The following DLGAP1 variants were observed in gnomAD, a reference collection of about 807,000 sequenced individuals.
DLGAP1 encodes DLG associated protein 1.
In DLGAP1, 11 loss-of-function variants were observed where a neutral mutation model predicts 90.8. The ratio of observed to expected loss-of-function variants is 0.12; its 90% CI spans 0.08 to 0.20. The LOEUF (loss-of-function observed/expected upper bound fraction) is 0.20, where lower values mean the gene tolerates loss of function less well. DLGAP1 is among the 10% of genes least tolerant of loss of function. The pLI is 1.00. For synonymous variants in DLGAP1, 558 were observed against 540.7 expected (o/e 1.03, Z -0.44); for missense variants, 1,050 against 1,333.8 (o/e 0.79, Z 3.31).
At chr18:4,025,618 A>T (rs2074686967) in intron 2 of DLGAP1, among the ~76,000 whole-genome samples, 1 of 152,130 alleles carries the variant, frequency 6.6e-6, no homozygotes, top group Non-Finnish European at 1.5e-5. Flanking sequence ...TTTGGACAAT[A>T]ACATTGTCAT....
intron 1 of DLGAP1, among the ~76,000 whole-genome samples, chr18:4,370,767 GT>G (rs33946209): frequency 0.86 from 129,475 of 150,838 alleles, 55,789 homozygotes; most frequent in East Asian, 0.94. Flanking sequence ...ATATGTGTGG[GT>G]TTTTTTTTTC....
Position 3,814,190 on chromosome 18 carries a change from A to G in DLGAP1, c.1041T>C (p.Tyr347=), listed in dbSNP as rs1290650754. 1 of 1,614,102 alleles carries G rather than the reference A, an allele frequency of 6.2e-7. No individual in the cohort carries two copies. Among genetic ancestry groups the G allele is most frequent in the African/African-American group, 1.3e-5 (1 of 75,016 alleles). ...TGTCTTCATCCCCCATGGCCTTGAT[A>G]TAACTGCCACTCCGCATTCTTCGGC... ...IPCRRMRSGS[Y]IKAMGDEDSG... The change falls in exon 5 of 13, where the codon TAT becomes TAC. Residue 347 remains tyrosine (Y), a synonymous_variant. Coordinates refer to ENST00000315677, the MANE Select transcript of DLGAP1 (RefSeq NM_004746.4).
intron 1 of DLGAP1, among the ~76,000 whole-genome samples, chr18:4,336,144 C>T (rs895942434): frequency 6.6e-6 from 1 of 152,242 alleles, no homozygotes; most frequent in African/African-American, 2.4e-5. Context: ...CTGACCCACA[C>T]ACCATTCATA....
intron 5 of DLGAP1, among the ~76,000 whole-genome samples, chr18:3,803,992 AT>A: frequency 3.0e-5 from 3 of 99,594 alleles, no homozygotes; most frequent in African/African-American, 1.1e-4. Flanking sequence ...ATATATATAT[AT>A]ATATATATAT....
At chr18:4,215,033 A>G (rs1031261033) in intron 1 of DLGAP1, among the ~76,000 whole-genome samples, 5 of 152,176 alleles carry the variant, frequency 3.3e-5, no homozygotes, top group Admixed American at 3.3e-4. Context: ...GAAAGCTGAG[A>G]TTTATTTTAC....
intron 1 of DLGAP1, among the ~76,000 whole-genome samples, chr18:4,251,291 A>G (rs956249360): frequency 2.0e-5 from 3 of 152,226 alleles, no homozygotes; most frequent in Non-Finnish European, 4.4e-5. Flanking sequence ...GAGATTATAT[A>G]ACTTTTAAAG....
chr18:3,550,698 A>G (rs1369060140), intron 9 of DLGAP1, among the ~76,000 whole-genome samples: 2 of 151,204 alleles, frequency 1.3e-5, no homozygotes, highest in African/African-American at 4.9e-5. Flanking sequence ...CACATGAGAA[A>G]TCAACACTGC....
intron 4 of DLGAP1, chr18:3,874,649 A>G (rs1271634706): frequency 2.6e-6 from 4 of 1,535,600 alleles, no homozygotes; most frequent in South Asian, 2.4e-5. Flanking sequence ...TTCCAAATGT[A>G]TAAGAGCCAA....
In DLGAP1 at chr18:3,584,417, T is replaced by C. The variant is rs145163746; in HGVS notation, c.1592-2169A>G. Among the ~76,000 whole-genome samples the C allele has an allele frequency of 3.9e-3, 596 of 152,208 alleles. 4 individuals carry two copies. The highest frequency in any genetic ancestry group is 0.013 in the African/African-American group (556 of 41,534). ...TACTTGCTTCAACATTGAAGATGTTTCCTCTGGCCACTCAGAGGAAACACC... is the reference window on the plus strand; with the variant it reads ...TACTTGCTTCAACATTGAAGATGTTCCCTCTGGCCACTCAGAGGAAACACC... On this transcript the variant is annotated intron_variant, in intron 7 of 12. Transcript: ENST00000315677.
intron 3 of DLGAP1, among the ~76,000 whole-genome samples, chr18:3,946,888 T>C (rs1210160451): frequency 6.6e-6 from 1 of 152,192 alleles, no homozygotes; most frequent in African/African-American, 2.4e-5. Flanking sequence ...AACCTTGACG[T>C]GATGCTTTTA....
chr18:4,221,861 T>A (rs1430970694), intron 1 of DLGAP1, among the ~76,000 whole-genome samples: 1 of 152,190 alleles, frequency 6.6e-6, no homozygotes, highest in Non-Finnish European at 1.5e-5. Flanking sequence ...TGGCGATTTT[T>A]CAGTGTGACT....
chr18:4,063,869 CATGT>C (rs1173743056), intron 2 of DLGAP1, among the ~76,000 whole-genome samples: 36 of 152,142 alleles, frequency 2.4e-4, no homozygotes, highest in African/African-American at 7.9e-4. Flanking sequence ...TGAAGGCTCC[CATGT>C]ATGCATATTA....
chr18:4,255,953 C>T (rs917513584), intron 1 of DLGAP1, among the ~76,000 whole-genome samples: 1 of 151,974 alleles, frequency 6.6e-6, no homozygotes, highest in Non-Finnish European at 1.5e-5. Context: ...ATTTTACCAC[C>T]CTAACCAAGT....
intron 3 of DLGAP1, among the ~76,000 whole-genome samples, chr18:3,952,304 T>C (rs1364157899): frequency 6.6e-6 from 1 of 152,198 alleles, no homozygotes; most frequent in Non-Finnish European, 1.5e-5. Flanking sequence ...TTAATCTCCT[T>C]AGCTCTTTAT....
intron 1 of DLGAP1, among the ~76,000 whole-genome samples, chr18:4,252,321 A>C (rs2078796712): frequency 6.6e-6 from 1 of 152,222 alleles, no homozygotes; most frequent in Non-Finnish European, 1.5e-5. Flanking sequence ...CTATTCACTT[A>C]GATTACTGTA....
At chr18:3,593,221 G>A (rs2056381388) in intron 7 of DLGAP1, among the ~76,000 whole-genome samples, 1 of 152,164 alleles carries the variant, frequency 6.6e-6, no homozygotes, top group Non-Finnish European at 1.5e-5. Context: ...TCCTCACTCT[G>A]CAGGAACTCT....
chr18:3,612,299 G>C (rs1203211548), intron 7 of DLGAP1, among the ~76,000 whole-genome samples: 1 of 152,230 alleles, frequency 6.6e-6, no homozygotes, highest in Non-Finnish European at 1.5e-5. Context: ...TGTCTAAAAT[G>C]AGGATAAGAA....
chr18:3,564,374 C>T (rs889606903), intron 9 of DLGAP1, among the ~76,000 whole-genome samples: 1 of 152,092 alleles, frequency 6.6e-6, no homozygotes, highest in African/African-American at 2.4e-5. Context: ...GTCCCTTCCC[C>T]CATGTGGAAG....
chr18:3,885,225 T>TC (rs1568279338), intron 3 of DLGAP1: 1 of 152,162 alleles, frequency 6.6e-6, no homozygotes, highest in African/African-American at 2.4e-5. Context: ...ACTTCTTTTT[T>TC]CCCCCCTCTC....
Sources: allele counts gnomAD v4.1 joint callset (sites outside exome capture counted in the v4.1 genomes callset), GRCh38; gene constraint gnomAD v4.1.1; transcripts MANE v1.5; gene names NCBI Gene and HGNC (gene_info 2026-07-23, HGNC 2026-07-21).